Variants in SRGAP2 observed in about 807,000 individuals in gnomAD.
SRGAP2 encodes the protein SLIT-ROBO Rho GTPase activating protein 2, also known as SLIT-ROBO Rho GTPase-activating protein 2.
Under a neutral mutation model 57.2 loss-of-function variants are expected in SRGAP2, and 15 were observed. The ratio of observed to expected loss-of-function variants is 0.26; its 90% CI spans 0.18 to 0.40. SRGAP2 has a LOEUF of 0.40. SRGAP2 is among the 10% of genes least tolerant of loss of function. The pLI is 1.00. For synonymous variants in SRGAP2, 249 were observed against 248.0 expected, an observed-to-expected ratio of 1.00 and a Z score of -0.04; for missense variants, 520 against 669.6, an observed-to-expected ratio of 0.78 and a Z score of 2.47.
chr1:206,334,464 T>C (rs1380183036), intron 3 of SRGAP2, among the ~76,000 whole-genome samples: 4 of 152,218 alleles, frequency 2.6e-5, no homozygotes, highest in African/African-American at 9.6e-5. Flanking sequence ...TTTTTTCCCC[T>C]CCTTTTCATT....
At chr1:206,389,452 C>CA (rs1398051228) in intron 5 of SRGAP2, among the ~76,000 whole-genome samples, 1 of 152,170 alleles carries the variant, frequency 6.6e-6, no homozygotes, top group Non-Finnish European at 1.5e-5. Flanking sequence ...GCTGGGATTA[C>CA]AGGCATGAGC....
At chr1:206,418,565 A>G (rs1659959620) in intron 11 of SRGAP2, among the ~76,000 whole-genome samples, 1 of 152,244 alleles carries the variant, frequency 6.6e-6, no homozygotes, top group African/African-American at 2.4e-5. Context: ...CTGTGGTCCT[A>G]AAGAAAGCAA....
At chr1:206,394,149 C>A (rs1657332036) in intron 7 of SRGAP2, among the ~76,000 whole-genome samples, 1 of 132,776 alleles carries the variant, frequency 7.5e-6, no homozygotes, top group Non-Finnish European at 1.5e-5. Flanking sequence ...CAGGTTCAAG[C>A]AATTGTCCTA....
chr1:206,453,620 T>C lies in SRGAP2; in HGVS notation c.2360+240T>C. On this transcript the variant is annotated intron_variant, in intron 20 of 22. Transcript: ENST00000573034. ...GTGCCCCCTGCAAATCACCCCCTAA[T>C]CCAGTCATTTTAGAAACCTGCCAGC... The C allele has an allele frequency of 9.7e-6, 3 of 309,852 alleles. 1 individual carries two copies. Among genetic ancestry groups the C allele is most frequent in the Non-Finnish European group, 1.7e-5 (3 of 173,518 alleles). The allele number at this position is 309,852 out of a possible 1,614,324, so 19.2% of individuals were successfully genotyped here. A position where few individuals can be genotyped will look rare whatever the true frequency, so the allele number is the denominator to read the frequency against.
intron 2 of SRGAP2, among the ~76,000 whole-genome samples, chr1:206,286,638 A>C (rs1460401880): frequency 6.6e-6 from 1 of 152,218 alleles, no homozygotes; most frequent in Non-Finnish European, 1.5e-5. Context: ...AAGAAAAATT[A>C]AAATGAGGTA....
intron 21 of SRGAP2, chr1:206,456,301 A>G (rs569914660): frequency 1.2e-4 from 18 of 152,190 alleles, no homozygotes; most frequent in African/African-American, 4.3e-4. Context: ...GTGTAGTTAT[A>G]ATTTAATTCA....
rs1180952480 is a variant in SRGAP2 at position 206,251,586 on chromosome 1, C to CT, written c.67+45550dup. 4.6e-5 allele frequency among the ~76,000 whole-genome samples: 7 copies of CT among 151,502 alleles called. No individual in the cohort carries two copies. The East Asian group carries it at 1.2e-3, about 25-fold the overall frequency. ...GTTTTGTAGGATTACCTTTAGCCCT[C>CT]TAAGTGATCAGATCTGCCTCACTGT... On this transcript the variant is annotated intron_variant, in intron 2 of 22. Transcript: ENST00000573034.
chr1:206,446,211 A>T lies in SRGAP2; in HGVS notation c.2011A>T (p.Ile671Phe). 1 of 780,948 alleles carries T rather than the reference A, an allele frequency of 1.3e-6. No individual in the cohort carries two copies. Among genetic ancestry groups the T allele is most frequent in the Non-Finnish European group, 2.4e-6 (1 of 418,000 alleles). The allele number at this position is 780,948 out of a possible 1,614,324, so 48.4% of individuals were successfully genotyped here. Residue 671 changes from isoleucine (I) to phenylalanine (F), a missense_variant, in exon 18 of 23, where the codon ATC becomes TTC. Transcript: ENST00000573034. ...QAHVNELIKTIIIQHENIFPS... is the reference protein window; with the variant it reads ...QAHVNELIKTFIIQHENIFPS... The stretch of plus-strand genomic sequence containing the variant: ...CCACGTGAATGAGCTGATCAAAACC[A>T]TCATCATCCAGCATGAGAACATCTT...
rs1030897138 is a variant in SRGAP2, at chr1:206,463,102, G to C, written c.*1682G>C. ...CTTTGACCTAGAAGAGATTCTTTTT[G>C]GACCAACCTGCGAAATTGGTAGTTA... On this transcript the variant is annotated 3_prime_UTR_variant, in exon 23 of 23. Coordinates refer to ENST00000573034, the MANE Select transcript of SRGAP2 (RefSeq NM_015326.5). The C allele has an allele frequency of 6.6e-6, 1 of 151,964 alleles. No homozygotes were observed. Among genetic ancestry groups the C allele is most frequent in the Non-Finnish European group, 1.5e-5 (1 of 68,008 alleles). 9.4% of individuals were successfully genotyped at this position (151,964 alleles called of 1,614,324 possible).
At chr1:206,303,888 T>TCACACA (rs1172123806) in intron 3 of SRGAP2, among the ~76,000 whole-genome samples, 8 of 138,458 alleles carry the variant, frequency 5.8e-5, no homozygotes, top group East Asian at 2.1e-4. Context: ...TCTCTCTCTC[T>TCACACA]CACACACACA....
intron 5 of SRGAP2, among the ~76,000 whole-genome samples, chr1:206,388,950 C>T (rs2103082949): frequency 6.8e-6 from 1 of 148,010 alleles, no homozygotes; most frequent in East Asian, 2.0e-4. Flanking sequence ...TGATCTCCCA[C>T]TCATGTCTGG....
chr1:206,277,343 TA>T (rs1488709715), intron 2 of SRGAP2, among the ~76,000 whole-genome samples: 3 of 114,684 alleles, frequency 2.6e-5, no homozygotes, highest in Non-Finnish European at 5.3e-5. Flanking sequence ...ATTAAATAGG[TA>T]AAGACATATT....
chr1:206,357,582 C>CTTTTTTT (rs781912077), intron 4 of SRGAP2, among the ~76,000 whole-genome samples: 2 of 78,060 alleles, frequency 2.6e-5, no homozygotes, highest in African/African-American at 5.5e-5. Context: ...GCTATGTTGT[C>CTTTTTTT]TTTTTTTTTT....
chr1:206,227,088 G>A (rs1667319953), intron 2 of SRGAP2, among the ~76,000 whole-genome samples: 1 of 151,922 alleles, frequency 6.6e-6, no homozygotes, highest in African/African-American at 2.4e-5. Flanking sequence ...GTTCATGCTT[G>A]AAGTATGACT....
intron 4 of SRGAP2, among the ~76,000 whole-genome samples, chr1:206,349,526 A>AT (rs1558334761): frequency 1.3e-5 from 2 of 149,688 alleles, no homozygotes; most frequent in African/African-American, 4.9e-5. Flanking sequence ...AAAAAAAAAA[A>AT]GAGGTCCATA....
Position 206,419,387 on chromosome 1 carries a change from T to G in SRGAP2, c.1456T>G (p.Cys486Gly). Residue 486 changes from cysteine (C) to glycine (G), a missense_variant, in exon 12 of 23, where the codon TGC (cysteine) becomes GGC (glycine). This residue lies in a region of SRGAP2 where 478 missense variants were observed against 373.6 expected (regional missense o/e 1.28). Transcript: ENST00000573034. ...GTTTCCAACAGGTCAGCGGACAGAT[T>G]GCAGTCTAGCCAGGTGAGTGTGGCC... ...KTLGESQRTD[C>G]SLARRSSTVR... 1 of 780,876 alleles carries G rather than the reference T, an allele frequency of 1.3e-6. No homozygotes were observed. The highest frequency in any genetic ancestry group is 2.4e-5 in the East Asian group (1 of 41,250). The allele number at this position is 780,876 out of a possible 1,614,324, so 48.4% of individuals were successfully genotyped here.
chr1:206,389,859 C>G (rs1212913243), intron 5 of SRGAP2, among the ~76,000 whole-genome samples: 4 of 150,102 alleles, frequency 2.7e-5, no homozygotes, highest in Non-Finnish European at 5.9e-5. Flanking sequence ...ATTTGCCTAT[C>G]TATATATAGA....
Position 206,415,903 on chromosome 1 carries a change from C to T in SRGAP2, c.1371C>T (p.Tyr457=), listed in dbSNP as rs1553361702. 1 of 780,038 alleles carries T rather than the reference C, an allele frequency of 1.3e-6. No individual in the cohort carries two copies. The highest frequency in any genetic ancestry group is 2.4e-5 in the East Asian group (1 of 41,204). 48.3% of individuals were successfully genotyped at this position (780,038 alleles called of 1,614,324 possible). ...EQFYFTKMKE[Y]LEGRNLITKL... is the part of the protein sequence containing the mutation. Reference sequence around the variant, plus strand: ...CTCTCTTACAGAAAATGAAAGAGTACCTGGAGGGCAGGAACCTCATCACCA... The same window carrying T: ...CTCTCTTACAGAAAATGAAAGAGTATCTGGAGGGCAGGAACCTCATCACCA... The change falls in exon 11 of 23, where the codon TAC becomes TAT. Residue 457 remains tyrosine (Y), a synonymous_variant. Transcript: ENST00000573034.
chr1:206,449,073 G>GT (rs1378575021), intron 18 of SRGAP2, among the ~76,000 whole-genome samples: 7 of 152,084 alleles, frequency 4.6e-5, no homozygotes, highest in Non-Finnish European at 8.8e-5. Flanking sequence ...GTGGGTGATG[G>GT]TGCTTTCACA....
Sources: allele counts gnomAD v4.1 joint callset (sites outside exome capture counted in the v4.1 genomes callset), GRCh38; gene constraint gnomAD v4.1.1; regional missense constraint gnomAD v4.1.1; transcripts MANE v1.5; gene names NCBI Gene and HGNC (gene_info 2026-07-23, HGNC 2026-07-21).